The following CACNA1C variants were observed in gnomAD, a reference collection of about 807,000 sequenced individuals.
CACNA1C encodes voltage-dependent L-type calcium channel subunit alpha-1C.
Under a neutral mutation model 229.0 loss-of-function variants are expected in CACNA1C, and 30 were observed. The ratio of observed to expected loss-of-function variants is 0.13; its 90% confidence interval spans 0.10 to 0.18. The LOEUF is 0.18. Ranked by LOEUF, CACNA1C falls within the 10% of genes least tolerant of loss-of-function variation. The pLI is 1.00. For missense variants in CACNA1C, 1,658 were observed against 2,845.0 expected, an observed-to-expected ratio of 0.58 and a Z score of 9.49; for synonymous variants, 1,114 against 1,132.5, an observed-to-expected ratio of 0.98 and a Z score of 0.33.
intron 1 of CACNA1C, among the ~76,000 whole-genome samples, chr12:1,979,561 C>G (rs563754462): frequency 6.6e-6 from 1 of 152,082 alleles, no homozygotes; most frequent in East Asian, 1.9e-4. Flanking sequence ...ATCCGCCCGC[C>G]TCAGCCTCCC....
chr12:2,031,974 AGT>A (rs1257460823), intron 1 of CACNA1C, among the ~76,000 whole-genome samples: 3 of 134,728 alleles, frequency 2.2e-5, no homozygotes, highest in East Asian at 4.8e-4. Context: ...TTTCTGTGTG[AGT>A]GTGTGTGTGA....
At chr12:2,655,126 C>T (rs1422357149) in intron 33 of CACNA1C, 21 bp from the exon 34 acceptor site, 12 of 1,449,494 alleles carry the variant, frequency 8.3e-6, no homozygotes, top group Non-Finnish European at 1.1e-5. Flanking sequence ...TCACTGAACA[C>T]CTCTTCCTTC....
intron 25 of CACNA1C, 53 bp from the exon 26 acceptor site, chr12:2,606,931 G>T: frequency 6.9e-6 from 11 of 1,592,588 alleles, no homozygotes; most frequent in Non-Finnish European, 9.5e-6. Context: ...GGCAGGCCAG[G>T]CGTGAAGGAA....
chr12:2,588,569 C>G (rs756068911), intron 18 of CACNA1C, among the ~76,000 whole-genome samples: 1 of 152,304 alleles, frequency 6.6e-6, no homozygotes, highest in South Asian at 2.1e-4. Context: ...CAATTACCCT[C>G]GCATGACCGC....
chr12:2,404,632 C>G (rs1278904900), intron 3 of CACNA1C, among the ~76,000 whole-genome samples: 1 of 152,178 alleles, frequency 6.6e-6, no homozygotes, highest in East Asian at 1.9e-4. Context: ...AAGCGGCCAG[C>G]TCCCAGCCAG....
intron 9 of CACNA1C, among the ~76,000 whole-genome samples, chr12:2,528,243 T>C (rs2099828980): frequency 6.6e-6 from 1 of 152,140 alleles, no homozygotes; most frequent in African/African-American, 2.4e-5. Flanking sequence ...CCAGTTTCCT[T>C]GCTTGTAAAA....
chr12:1,986,667 A>T (rs1593123785), intron 1 of CACNA1C, among the ~76,000 whole-genome samples: 1 of 149,786 alleles, frequency 6.7e-6, no homozygotes, highest in South Asian at 2.1e-4. Context: ...AGGTTTTGTT[A>T]TTTTTTTTTT....
intron 3 of CACNA1C, among the ~76,000 whole-genome samples, chr12:2,312,236 C>G (rs1218169704): frequency 1.3e-5 from 2 of 152,194 alleles, no homozygotes; most frequent in African/African-American, 4.8e-5. Context: ...TCACTATTGG[C>G]TGTAACTATG....
intron 3 of CACNA1C, among the ~76,000 whole-genome samples, chr12:2,338,012 A>T (rs2096751769): frequency 6.6e-6 from 1 of 152,138 alleles, no homozygotes; most frequent in Admixed American, 6.5e-5. Context: ...CCCAGGATTA[A>T]GTCCACACTT....
chr12:2,657,682 G>A (rs1216193999), intron 34 of CACNA1C, among the ~76,000 whole-genome samples: 1 of 152,178 alleles, frequency 6.6e-6, no homozygotes, highest in Non-Finnish European at 1.5e-5. Context: ...TTAAAACATA[G>A]ATACTCTGAT....
intron 3 of CACNA1C, among the ~76,000 whole-genome samples, chr12:2,231,355 G>C (rs979443155): frequency 6.6e-6 from 1 of 152,144 alleles, no homozygotes; most frequent in Non-Finnish European, 1.5e-5. Context: ...AAGCCATTCC[G>C]TTCTGAAAAC....
At chr12:2,514,880 G>A (rs142382255) in intron 9 of CACNA1C, among the ~76,000 whole-genome samples, 1 of 152,298 alleles carries the variant, frequency 6.6e-6, no homozygotes, top group African/African-American at 2.4e-5. Context: ...TCCCAGCATG[G>A]AGTATTATTT....
chr12:2,413,415 C>G (rs996321747), intron 3 of CACNA1C, among the ~76,000 whole-genome samples: 2 of 152,166 alleles, frequency 1.3e-5, no homozygotes, highest in Admixed American at 1.3e-4. Context: ...GCCCCCTCCC[C>G]CAACACTCTT....
At chr12:2,104,897 A>C (rs2077617421) in intron 1 of CACNA1C, among the ~76,000 whole-genome samples, 1 of 152,138 alleles carries the variant, frequency 6.6e-6, no homozygotes, top group East Asian at 1.9e-4. Flanking sequence ...AATTATGGCA[A>C]TTTGTCATCT....
chr12:2,061,878 T>C (rs1031370758), intron 1 of CACNA1C, among the ~76,000 whole-genome samples: 4 of 152,162 alleles, frequency 2.6e-5, no homozygotes, highest in African/African-American at 4.8e-5. Context: ...GTTTGGAAAA[T>C]AAACTTATTT....
intron 5 of CACNA1C, among the ~76,000 whole-genome samples, chr12:2,472,662 C>G (rs1004137951): frequency 1.3e-5 from 2 of 152,118 alleles, no homozygotes; most frequent in Non-Finnish European, 2.9e-5. Context: ...CGTTGTCTGC[C>G]AAGTCCAACA....
intron 1 of CACNA1C, among the ~76,000 whole-genome samples, chr12:2,069,060 A>C (rs2060346509): frequency 6.6e-6 from 1 of 152,152 alleles, no homozygotes. Flanking sequence ...GAGAAAAGAA[A>C]ATTTTGAGGA....
chr12:2,157,077 G>A (rs1180888366), intron 3 of CACNA1C, among the ~76,000 whole-genome samples: 1 of 152,126 alleles, frequency 6.6e-6, no homozygotes, highest in African/African-American at 2.4e-5. Flanking sequence ...TGGAAGTGAC[G>A]GTTAAAATGG....
At chr12:2,091,342 A>G (rs1453095791) in intron 1 of CACNA1C, among the ~76,000 whole-genome samples, 1 of 152,234 alleles carries the variant, frequency 6.6e-6, no homozygotes, top group Non-Finnish European at 1.5e-5. Flanking sequence ...CAGTATTAAT[A>G]CATTACCACA....
Sources: gnomAD v4.1 joint callset for allele counts (sites outside exome capture counted in the v4.1 genomes callset) on GRCh38, gnomAD v4.1.1 for gene constraint, MANE v1.5 for transcripts, NCBI Gene and HGNC (gene_info 2026-07-23, HGNC 2026-07-21) for gene names.